Variants in GLI2 observed in about 807,000 individuals in gnomAD.
The protein encoded by GLI2 is GLI family zinc finger 2, also known as transcription activator GLI2.
In GLI2, 22 loss-of-function variants were observed where a neutral mutation model predicts 78.9. The ratio of observed to expected loss-of-function variants is 0.28; its 90% CI spans 0.20 to 0.40. GLI2 has a LOEUF of 0.40. Among genes scored for constraint, GLI2 ranks in the 10% least tolerant of loss-of-function variants. The pLI, the probability that GLI2 is intolerant of heterozygous loss-of-function variation, is 1.00. For missense variants in GLI2, 2,097 were observed against 2,213.2 expected, an observed-to-expected ratio of 0.95 and a Z score of 1.05; for synonymous variants, 974 against 963.7, an observed-to-expected ratio of 1.01 and a Z score of -0.20.
In GLI2 at chr2:120,970,569, TCAG is replaced by T. The variant is rs767031465; in HGVS notation, c.1034_1036del (p.Ser345del). 1.2e-5 allele frequency: 20 copies of T among 1,613,800 alleles called. No individual in the cohort carries two copies. The highest frequency in any genetic ancestry group is 1.5e-5 in the Non-Finnish European group (18 of 1,179,908). ...TCCATCAATGCCACGCCCACCCAGCTCAGCAGCAGCAGCAACTGTCTGAGTGAC... is the reference window on the plus strand; with the variant it reads ...TCCATCAATGCCACGCCCACCCAGCTCAGCAGCAGCAACTGTCTGAGTGAC... On this transcript the variant is annotated inframe_deletion, in exon 7 of 14. Coordinates refer to ENST00000361492, the MANE Select transcript of GLI2 (RefSeq NM_001374353.1).
chr2:120,940,062 A>G (rs1327377035), intron 3 of GLI2, among the ~76,000 whole-genome samples: 1 of 152,100 alleles, frequency 6.6e-6, no homozygotes, highest in Non-Finnish European at 1.5e-5. Context: ...TGGGCCACTA[A>G]TGTTTCCTTC....
chr2:120,776,378 G>A (rs1683677752), intron 1 of GLI2, among the ~76,000 whole-genome samples: 1 of 152,164 alleles, frequency 6.6e-6, no homozygotes, highest in Non-Finnish European at 1.5e-5. Context: ...GGGATGCTTG[G>A]TTGTGAGTGA....
At chr2:120,927,040 G>A (rs773833923) in intron 2 of GLI2, among the ~76,000 whole-genome samples, 6 of 152,226 alleles carry the variant, frequency 3.9e-5, no homozygotes, top group Admixed American at 2.6e-4. Context: ...GGAGCCTGTC[G>A]CTCTGTCAGC....
chr2:120,754,790 T>C (rs1161374375), intron 1 of GLI2, among the ~76,000 whole-genome samples: 1 of 152,020 alleles, frequency 6.6e-6, no homozygotes, highest in Non-Finnish European at 1.5e-5. Context: ...CATCGAGGAG[T>C]AGAATGCCTG....
At chr2:120,976,555 A>C (rs1310394456) in intron 9 of GLI2, among the ~76,000 whole-genome samples, 1 of 152,260 alleles carries the variant, frequency 6.6e-6, no homozygotes, top group African/African-American at 2.4e-5. Context: ...AATCAGTTAG[A>C]TGAAAGGAGG....
chr2:120,881,737 G>A (rs1241617232), intron 2 of GLI2, among the ~76,000 whole-genome samples: 1 of 89,600 alleles, frequency 1.1e-5, no homozygotes, highest in African/African-American at 4.5e-5. Context: ...AGGACAGTGC[G>A]GGGGAGAACA....
chr2:120,781,167 C>T (rs1376257585), intron 1 of GLI2, among the ~76,000 whole-genome samples: 1 of 152,218 alleles, frequency 6.6e-6, no homozygotes, highest in Non-Finnish European at 1.5e-5. Context: ...TGCCCCTGGC[C>T]TGCAGTTGCT....
chr2:120,854,356 G>A (rs762179075), intron 2 of GLI2, among the ~76,000 whole-genome samples: 1 of 152,180 alleles, frequency 6.6e-6, no homozygotes, highest in Non-Finnish European at 1.5e-5. Flanking sequence ...ACTTTTAAGA[G>A]GGTCTGCCTG....
chr2:120,854,560 C>G (rs1332864953), intron 2 of GLI2, among the ~76,000 whole-genome samples: 1 of 152,198 alleles, frequency 6.6e-6, no homozygotes, highest in Non-Finnish European at 1.5e-5. Context: ...GGGGCTACAG[C>G]TGCAGAAGGG....
chr2:120,943,545 T>C (rs1309833476), intron 3 of GLI2, among the ~76,000 whole-genome samples: 1 of 152,220 alleles, frequency 6.6e-6, no homozygotes, highest in East Asian at 1.9e-4. Context: ...GCAACAGCTG[T>C]TGGACCAGTC....
chr2:120,856,148 C>T (rs528186734), intron 2 of GLI2, among the ~76,000 whole-genome samples: 95 of 152,282 alleles, frequency 6.2e-4, no homozygotes, highest in African/African-American at 2.1e-3. Flanking sequence ...CCTGAGTTCT[C>T]CCTGCTGTCC....
rs1481379802 is a variant in GLI2, at chr2:120,800,687, T to C, written c.148+3219T>C. ...ACCTGGCTAATTTTTTTGTATTTTTTAGTAGAGATGGGGTTTCACTGTGTT... is the reference window on the plus strand; with the variant it reads ...ACCTGGCTAATTTTTTTGTATTTTTCAGTAGAGATGGGGTTTCACTGTGTT... On this transcript the variant is annotated intron_variant, in intron 2 of 13. Transcript: ENST00000361492. This position sits in a 1 kb window ranked among gnomAD's most constrained non-coding sequence, Gnocchi z 4.1. Among the ~76,000 whole-genome samples the C allele has an allele frequency of 1.3e-5, 2 of 151,816 alleles. No homozygotes were observed. The highest frequency in any genetic ancestry group is 4.8e-5 in the African/African-American group (2 of 41,324).
At chr2:120,902,912 G>A (rs139370480) in intron 2 of GLI2, among the ~76,000 whole-genome samples, 284 of 152,294 alleles carry the variant, frequency 1.9e-3, no homozygotes, top group Middle Eastern at 3.4e-3. Flanking sequence ...GAGCTCTCAA[G>A]TATGTTTGTA....
chr2:120,893,409 G>A (rs963162892), intron 2 of GLI2, among the ~76,000 whole-genome samples: 7 of 147,132 alleles, frequency 4.8e-5, no homozygotes, highest in Non-Finnish European at 9.0e-5. Context: ...CCCAGCCCCC[G>A]CTGGCCCTGC....
At chr2:120,797,603 G>C in intron 2 of GLI2, 135 bp downstream of exon 2, 1 of 820,392 alleles carries the variant, frequency 1.2e-6, no homozygotes, top group Non-Finnish European at 1.9e-6. Flanking sequence ...AGGCACCTCT[G>C]CTCCCAGGAA....
At chr2:120,771,951 G>C (rs550576017) in intron 1 of GLI2, among the ~76,000 whole-genome samples, 3 of 152,274 alleles carry the variant, frequency 2.0e-5, no homozygotes, top group Admixed American at 6.5e-5. Context: ...CTCCTGACTG[G>C]CCTCCCTGCT....
At chr2:120,807,861 TC>T (rs985310516) in intron 2 of GLI2, among the ~76,000 whole-genome samples, 2 of 140,328 alleles carry the variant, frequency 1.4e-5, no homozygotes, top group African/African-American at 5.1e-5. Context: ...CCCACACACC[TC>T]CCCGCCCCCG....
intron 2 of GLI2, among the ~76,000 whole-genome samples, chr2:120,808,571 A>G (rs1349671733): frequency 6.6e-6 from 1 of 152,200 alleles, no homozygotes; most frequent in East Asian, 1.9e-4. Context: ...GCTCGATGTC[A>G]GCGAGATCTT....
rs770285921 is a variant in GLI2 at position 120,786,710 on chromosome 2, A to AG, written c.-30-10581_-30-10580insG. ...AGGCATTCTTATGCAGTGCTGGCAA[A>AG]CACTGCCCATGGCAGACAGTACAAG... On this transcript the variant is annotated intron_variant, in intron 1 of 13. Transcript: ENST00000361492. Among the ~76,000 whole-genome samples the AG allele has an allele frequency of 1.2e-3, 176 of 152,294 alleles. 2 individuals are homozygous for AG. The highest frequency in any genetic ancestry group is 9.3e-4 in the Non-Finnish European group (63 of 68,030).
Sources: allele counts gnomAD v4.1 joint callset (sites outside exome capture counted in the v4.1 genomes callset), GRCh38; gene constraint gnomAD v4.1.1; non-coding constraint Gnocchi (gnomAD v3.1); transcripts MANE v1.5; gene names NCBI Gene and HGNC (gene_info 2026-07-23, HGNC 2026-07-21).